The following TRRAP variants were observed in gnomAD, a reference collection of about 807,000 sequenced individuals.
TRRAP encodes the protein transformation/transcription domain-associated protein.
TRRAP carries 41 observed loss-of-function variants against 438.8 expected under a neutral mutation model. That is an observed-to-expected ratio of 0.09 (90% CI 0.07 to 0.12). The LOEUF is 0.12. Among genes scored for constraint, TRRAP ranks in the 10% least tolerant of loss-of-function variants. The pLI is 1.00. For missense variants in TRRAP, 3,122 were observed against 5,055.1 expected, an observed-to-expected ratio of 0.62 and a Z score of 11.60; for synonymous variants, 1,994 against 1,962.9, an observed-to-expected ratio of 1.02 and a Z score of -0.42.
At chr7:98,947,958 C>T (rs997084179) in intron 33 of TRRAP, among the ~76,000 whole-genome samples, 4 of 152,174 alleles carry the variant, frequency 2.6e-5, no homozygotes, top group Admixed American at 6.5e-5. Flanking sequence ...GCAAACAGCA[C>T]GATCACATCG....
At position 98,899,659 on chromosome 7, in the gene TRRAP, T is replaced by C. The variant is rs1434911658; in HGVS notation, c.712-20T>C. The C allele has an allele frequency of 5.0e-6, 8 of 1,613,910 alleles. No homozygotes were observed. Among genetic ancestry groups the C allele is most frequent in the Non-Finnish European group, 5.9e-6 (7 of 1,179,916 alleles). ...ATAGCAGAGTGTCAATGTATGAAAATCTGGTATGTTTGCTTTTAGCTCTAC... is the reference window on the plus strand; with the variant it reads ...ATAGCAGAGTGTCAATGTATGAAAACCTGGTATGTTTGCTTTTAGCTCTAC... On this transcript the variant is annotated intron_variant, in intron 9 of 72. Transcript: ENST00000456197.
chr7:98,977,546 C>T (rs1241954154), intron 56 of TRRAP, among the ~76,000 whole-genome samples: 1 of 152,246 alleles, frequency 6.6e-6, no homozygotes, highest in African/African-American at 2.4e-5. Flanking sequence ...GAGATACCTA[C>T]GTATATGACA....
In TRRAP at chr7:98,967,051, T is replaced by A; in HGVS notation, c.7187T>A (p.Leu2396His). 3 of 1,613,778 alleles carry A rather than the reference T, an allele frequency of 1.9e-6. No individual in the cohort carries two copies. Among genetic ancestry groups the A allele is most frequent in the Non-Finnish European group, 2.5e-6 (3 of 1,179,848 alleles). Residue 2396 changes from leucine (L) to histidine (H), a missense_variant, in exon 50 of 73, where the codon CTC becomes CAC. This residue lies in a region of TRRAP where 992 missense variants were observed against 1,281.2 expected (regional missense o/e 0.77). Coordinates refer to ENST00000456197, the MANE Select transcript of TRRAP (RefSeq NM_001375524.1). ...TCAAATTTCATACAGACACCTACAC[T>A]CCGGGAGAAGTCCATTTTGCTTGTG... ...SPMAANQTPTLREKSILLVKM... is the reference protein window; with the variant it reads ...SPMAANQTPTHREKSILLVKM...
chr7:98,981,981 C>T lies in TRRAP; in HGVS notation c.8826+21C>T, dbSNP rs774846792. ...TACAGGTGCGTGCGGTGCCCCCATG[C>T]GAGCACAGGCCTGTGGCCTGTCGCA... On this transcript the variant is annotated intron_variant, in intron 59 of 72. Transcript: ENST00000456197. 45 of 1,546,366 alleles carry T rather than the reference C, an allele frequency of 2.9e-5. No individual in the cohort carries two copies. The East Asian group carries it at 7.1e-4, about 24-fold the overall frequency.
At chr7:98,909,100 T>C in intron 14 of TRRAP, 138 bp downstream of exon 14, 2 of 775,842 alleles carry the variant, frequency 2.6e-6, no homozygotes, top group East Asian at 2.7e-5. Flanking sequence ...CTCAGCTCAC[T>C]GCAACCTCTG....
intron 2 of TRRAP, 36 bp downstream of exon 2, chr7:98,881,286 A>C (rs898830664): frequency 1.3e-6 from 2 of 1,560,766 alleles, no homozygotes; most frequent in Admixed American, 1.8e-5. Flanking sequence ...GAAATGCATA[A>C]ATAAGGCCGG....
chr7:98,957,034 C>T (rs1791651234), intron 43 of TRRAP, among the ~76,000 whole-genome samples: 1 of 152,130 alleles, frequency 6.6e-6, no homozygotes, highest in Non-Finnish European at 1.5e-5. Flanking sequence ...TGAGGCTGAG[C>T]TCTTCTCCCA....
In TRRAP at chr7:98,935,295, GAAA is replaced by G. The variant is rs532816242; in HGVS notation, c.4015-277_4015-275del. ...ATAAAGTAACCCCCTGTTTTGAGGA[GAAA>G]AAAAAACGTGATGGTATCAGAGTGG... is the stretch of plus-strand genomic sequence containing the variant. On this transcript the variant is annotated intron_variant, in intron 27 of 72. Transcript: ENST00000456197. Among the ~76,000 whole-genome samples, 403 of 150,940 alleles carry G rather than the reference GAAA, an allele frequency of 2.7e-3. 2 individuals are homozygous for G. Among genetic ancestry groups the G allele is most frequent in the African/African-American group, 9.6e-3 (394 of 41,210 alleles).
chr7:98,967,108 C>T lies in TRRAP; in HGVS notation c.7244C>T (p.Pro2415Leu), dbSNP rs776470048. ...KMMTYIEKRF[P>L]EDLELNAQFL... ...ATGACTTACATAGAAAAACGCTTTC[C>T]GGAAGACCTTGAATTAAATGCCCAG... Residue 2415 changes from proline (P) to leucine (L), a missense_variant, in exon 50 of 73, where the codon CCG becomes CTG. By Grantham distance (98) the Pro-to-Leu change is moderately conservative. Transcript: ENST00000456197. The T allele has an allele frequency of 8.1e-6, 13 of 1,613,906 alleles. No individual in the cohort carries two copies. Among genetic ancestry groups the T allele is most frequent in the East Asian group, 6.7e-5 (3 of 44,880 alleles).
At chr7:98,913,568 G>T (rs2283014) in intron 18 of TRRAP, among the ~76,000 whole-genome samples, 1 of 151,972 alleles carries the variant, frequency 6.6e-6, no homozygotes, top group Non-Finnish European at 1.5e-5. Flanking sequence ...GATTACAGGT[G>T]TGAGCCACTG....
At chr7:98,983,488 A>G (rs1793021046) in intron 60 of TRRAP, 29 bp downstream of exon 60, 4 of 1,612,852 alleles carry the variant, frequency 2.5e-6, no homozygotes, top group East Asian at 4.5e-5. Flanking sequence ...GCATGCATTC[A>G]TCATGTAATT....
At position 98,956,170 on chromosome 7, in the gene TRRAP, T is replaced by A; in HGVS notation, c.5962T>A (p.Leu1988Met). 6 of 1,612,526 alleles carry A rather than the reference T, an allele frequency of 3.7e-6. No individual in the cohort carries two copies. Among genetic ancestry groups the A allele is most frequent in the Non-Finnish European group, 5.1e-6 (6 of 1,179,946 alleles). The change falls in exon 42 of 73, where the codon TTG becomes ATG. Residue 1988 changes from leucine (L) to methionine (M), a missense_variant. Coordinates refer to ENST00000456197, the MANE Select transcript of TRRAP (RefSeq NM_001375524.1). The surrounding 1 kb of genome is among the most constrained non-coding windows in gnomAD (Gnocchi z 4.5). ...GGTGTACTACCCGGTACGGCACCAC[T>A]TGGTGCAGCACATGGTGAGCGCCAT... ...FKVYYPVRHH[L>M]VQHMVSAMQR...
At chr7:98,922,834 C>T (rs1463840089) in intron 21 of TRRAP, among the ~76,000 whole-genome samples, 1 of 152,206 alleles carries the variant, frequency 6.6e-6, no homozygotes, top group Non-Finnish European at 1.5e-5. Flanking sequence ...TGGCTAACTC[C>T]TCCCTGCCCT....
At chr7:98,988,629 C>A in intron 62 of TRRAP, 136 bp from the exon 63 acceptor site, 1 of 1,012,516 alleles carries the variant, frequency 9.9e-7, no homozygotes, top group Non-Finnish European at 1.4e-6. Context: ...AGAGCGACTG[C>A]TTATGGGGCG....
In TRRAP at chr7:98,965,885, C is replaced by T. The variant is rs778149895; in HGVS notation, c.7166C>T (p.Ala2389Val). ...TGGGTCAAGAATAACTCCCCAATGG[C>T]AGCCAATCAGGTGAGCTGGGACGGT... is the stretch of plus-strand genomic sequence containing the variant. ...EEWVKNNSPMAANQTPTLREK... is the reference protein window; with the variant it reads ...EEWVKNNSPMVANQTPTLREK... The change falls in exon 49 of 73, where the codon GCA (alanine) becomes GTA (valine). Residue 2389 changes from alanine to valine, a missense_variant. Ala to Val is a moderately conservative substitution (Grantham distance 64, BLOSUM62 0). Coordinates refer to ENST00000456197, the MANE Select transcript of TRRAP (RefSeq NM_001375524.1). 14 of 1,614,182 alleles carry T rather than the reference C, an allele frequency of 8.7e-6. No homozygotes were observed. Among genetic ancestry groups the T allele is most frequent in the Non-Finnish European group, 1.1e-5 (13 of 1,180,030 alleles).
At chr7:98,918,225 T>C (rs1402397168) in intron 20 of TRRAP, among the ~76,000 whole-genome samples, 1 of 122,546 alleles carries the variant, frequency 8.2e-6, no homozygotes, top group Non-Finnish European at 1.6e-5. Flanking sequence ...GAGGGTTATA[T>C]TCTTTTTTTT....
At chr7:98,924,153 A>T (rs1789928803) in intron 21 of TRRAP, among the ~76,000 whole-genome samples, 1 of 152,224 alleles carries the variant, frequency 6.6e-6, no homozygotes, top group Non-Finnish European at 1.5e-5. Flanking sequence ...AATCTGGTTT[A>T]ACCCAGCAAA....
intron 18 of TRRAP, among the ~76,000 whole-genome samples, chr7:98,914,997 A>G (rs1479941158): frequency 3.3e-5 from 5 of 151,700 alleles, no homozygotes; most frequent in African/African-American, 1.2e-4. Flanking sequence ...GACAAAACAA[A>G]ATAAAAAGTT....
chr7:98,982,259 C>T (rs1792965179), intron 59 of TRRAP, among the ~76,000 whole-genome samples: 1 of 152,102 alleles, frequency 6.6e-6, no homozygotes, highest in Non-Finnish European at 1.5e-5. Context: ...GAGTCCATCG[C>T]TCTGTTTTCA....
Sources: allele counts gnomAD v4.1 joint callset (sites outside exome capture counted in the v4.1 genomes callset), GRCh38; gene constraint gnomAD v4.1.1; regional missense constraint gnomAD v4.1.1; non-coding constraint Gnocchi (gnomAD v3.1); transcripts MANE v1.5; gene names NCBI Gene and HGNC (gene_info 2026-07-23, HGNC 2026-07-21).